The following NKAIN2 variants were observed in gnomAD, a reference collection of about 807,000 sequenced individuals.
NKAIN2 encodes the protein sodium/potassium-transporting ATPase subunit beta-1-interacting protein 2.
In NKAIN2, 14 loss-of-function variants were observed where a neutral mutation model predicts 32.6. The observed-to-expected ratio is 0.43, with a 90% confidence interval of 0.28 to 0.67. The LOEUF is 0.67. NKAIN2 is among the 30% of genes least tolerant of loss of function. The pLI, the probability that NKAIN2 is intolerant of heterozygous loss-of-function variation, is 0.17. For missense variants in NKAIN2, 198 were observed against 258.3 expected, an observed-to-expected ratio of 0.77 and a Z score of 1.60; for synonymous variants, 80 against 87.2, an observed-to-expected ratio of 0.92 and a Z score of 0.46.
At chr6:124,417,670 T>A (rs1774557327) in intron 3 of NKAIN2, among the ~76,000 whole-genome samples, 1 of 152,190 alleles carries the variant, frequency 6.6e-6, no homozygotes, top group South Asian at 2.1e-4. Flanking sequence ...TGTGACTTTG[T>A]CTTCAGAACA....
chr6:124,615,981 A>T (rs1306913924), intron 3 of NKAIN2, among the ~76,000 whole-genome samples: 1 of 152,182 alleles, frequency 6.6e-6, no homozygotes, highest in Non-Finnish European at 1.5e-5. Context: ...CCACATACAC[A>T]GTAGCTCAAA....
intron 1 of NKAIN2, among the ~76,000 whole-genome samples, chr6:124,072,640 T>C (rs1783515173): frequency 6.6e-6 from 1 of 152,194 alleles, no homozygotes; most frequent in Non-Finnish European, 1.5e-5. Context: ...CTTTGCTCTC[T>C]ACAACATTTC....
chr6:123,975,545 A>G (rs1261780517), intron 1 of NKAIN2, among the ~76,000 whole-genome samples: 1 of 152,186 alleles, frequency 6.6e-6, no homozygotes, highest in African/African-American at 2.4e-5. Flanking sequence ...GACTGCTGTA[A>G]CAAAATATCA....
intron 1 of NKAIN2, among the ~76,000 whole-genome samples, chr6:123,898,440 C>G (rs1427144518): frequency 1.3e-5 from 2 of 152,032 alleles, no homozygotes; most frequent in East Asian, 3.9e-4. Context: ...AGCAGCAGAG[C>G]AAATTTCAGA....
At chr6:124,356,937 TAAGAA>T (rs1343285838) in intron 3 of NKAIN2, among the ~76,000 whole-genome samples, 1 of 152,134 alleles carries the variant, frequency 6.6e-6, no homozygotes, top group South Asian at 2.1e-4. Flanking sequence ...TGTTTAATAT[TAAGAA>T]AAGAGAGAAA....
At chr6:123,812,511 C>G (rs1358384267) in intron 1 of NKAIN2, among the ~76,000 whole-genome samples, 3 of 152,168 alleles carry the variant, frequency 2.0e-5, no homozygotes, top group African/African-American at 7.2e-5. Flanking sequence ...AAAATCAAAA[C>G]CCTTAACTGA....
intron 1 of NKAIN2, among the ~76,000 whole-genome samples, chr6:124,265,740 G>T (rs1206529739): frequency 1.3e-5 from 2 of 151,902 alleles, no homozygotes; most frequent in African/African-American, 4.8e-5. Context: ...TTTAGACTTT[G>T]CCAGGCCAGC....
At chr6:124,576,467 A>G (rs1781339092) in intron 3 of NKAIN2, among the ~76,000 whole-genome samples, 1 of 152,192 alleles carries the variant, frequency 6.6e-6, no homozygotes. Flanking sequence ...CATGCGAACC[A>G]CACTGGGCTG....
intron 1 of NKAIN2, among the ~76,000 whole-genome samples, chr6:124,194,223 G>C (rs895260011): frequency 4.0e-5 from 6 of 151,698 alleles, no homozygotes; most frequent in Non-Finnish European, 7.4e-5. Context: ...TTCCACCCAA[G>C]ATCTAGTCTG....
intron 3 of NKAIN2, among the ~76,000 whole-genome samples, chr6:124,398,804 T>G (rs897782006): frequency 1.3e-5 from 2 of 152,160 alleles, no homozygotes; most frequent in Non-Finnish European, 2.9e-5. Context: ...GAAAAACAAA[T>G]GCAATGAGCT....
intron 1 of NKAIN2, among the ~76,000 whole-genome samples, chr6:123,868,057 A>G (rs187701082): frequency 2.0e-4 from 31 of 152,022 alleles, no homozygotes; most frequent in African/African-American, 7.0e-4. Context: ...TTTAGTAGAG[A>G]CAGGGTTTCA....
At chr6:124,642,917 G>T in intron 3 of NKAIN2, among the ~76,000 whole-genome samples, 1 of 152,046 alleles carries the variant, frequency 6.6e-6, no homozygotes, top group East Asian at 1.9e-4. Context: ...CACTGCTCCT[G>T]GTCATAGTTT....
chr6:124,140,650 G>T (rs1187643352), intron 1 of NKAIN2, among the ~76,000 whole-genome samples: 2 of 152,014 alleles, frequency 1.3e-5, no homozygotes, highest in African/African-American at 4.8e-5. Context: ...CTCAAATAAG[G>T]TATCTGCACC....
intron 4 of NKAIN2, among the ~76,000 whole-genome samples, chr6:124,710,125 A>T (rs888132910): frequency 2.0e-5 from 3 of 151,216 alleles, no homozygotes; most frequent in Admixed American, 6.6e-5. Flanking sequence ...TTCAGTTTCC[A>T]TGTAGTTGAG....
At chr6:124,163,311 T>C (rs1788369796) in intron 1 of NKAIN2, among the ~76,000 whole-genome samples, 1 of 152,018 alleles carries the variant, frequency 6.6e-6, no homozygotes, top group Non-Finnish European at 1.5e-5. Flanking sequence ...ACTTTGTGTG[T>C]GTGTGTTTGT....
chr6:124,298,205 G>A (rs1442621169), intron 2 of NKAIN2, among the ~76,000 whole-genome samples: 2 of 151,924 alleles, frequency 1.3e-5, no homozygotes, highest in South Asian at 4.1e-4. Flanking sequence ...TTTCTGAATA[G>A]GGTTTCAATA....
chr6:124,789,321 A>G (rs1779641429), intron 4 of NKAIN2, among the ~76,000 whole-genome samples: 2 of 152,118 alleles, frequency 1.3e-5, no homozygotes, highest in Non-Finnish European at 2.9e-5. Context: ...CAAATAATTT[A>G]ATAAGCATTT....
At chr6:124,024,776 C>T (rs979818583) in intron 1 of NKAIN2, among the ~76,000 whole-genome samples, 2 of 152,008 alleles carry the variant, frequency 1.3e-5, no homozygotes, top group Non-Finnish European at 2.9e-5. Flanking sequence ...ATCAGAAGGT[C>T]ACGAGATCAA....
At position 124,584,577 on chromosome 6, in the gene NKAIN2, G is replaced by A. The variant is rs149052489; in HGVS notation, c.274-73609G>A. Among the ~76,000 whole-genome samples the A allele has an allele frequency of 2.8e-3, 421 of 151,476 alleles. 1 individual carries two copies. The highest frequency in any genetic ancestry group is 9.4e-3 in the African/African-American group (388 of 41,266). On this transcript the variant is annotated intron_variant, in intron 3 of 6. Coordinates refer to ENST00000368417, the MANE Select transcript of NKAIN2 (RefSeq NM_001040214.3). ...TTGAGGCAGGAGAATCGCTTGAACC[G>A]GAGAGGTGGAGGTTGCAGTGAGCCG...
Sources: gnomAD v4.1 joint callset for allele counts (sites outside exome capture counted in the v4.1 genomes callset) on GRCh38, gnomAD v4.1.1 for gene constraint, MANE v1.5 for transcripts, NCBI Gene and HGNC (gene_info 2026-07-23, HGNC 2026-07-21) for gene names.